The following HDGFL3 variants were observed in gnomAD, a reference collection of about 807,000 sequenced individuals.
HDGFL3 encodes the protein hepatoma-derived growth factor-related protein 3.
HDGFL3 carries 6 observed loss-of-function variants against 27.6 expected under a neutral mutation model. That is an observed-to-expected ratio of 0.22 (90% confidence interval 0.12 to 0.43). The LOEUF is 0.43. Ranked by LOEUF, HDGFL3 falls within the 20% of genes least tolerant of loss-of-function variation. The pLI is 1.00. For synonymous variants in HDGFL3, 88 were observed against 88.9 expected, an observed-to-expected ratio of 0.99 and a Z score of 0.05; for missense variants, 207 against 250.1, an observed-to-expected ratio of 0.83 and a Z score of 1.16.
chr15:83,123,734 T>C (rs999389363), downstream of HDGFL3, among the ~76,000 whole-genome samples: 1 of 152,158 alleles, frequency 6.6e-6, no homozygotes, highest in Non-Finnish European at 1.5e-5. Flanking sequence ...AAAAAGCAAA[T>C]AGTCAGTCCA....
At chr15:83,171,120 T>C (rs958324033) in intron 1 of HDGFL3, among the ~76,000 whole-genome samples, 2 of 152,212 alleles carry the variant, frequency 1.3e-5, no homozygotes, top group Admixed American at 1.3e-4. Flanking sequence ...TACATATGTA[T>C]ACATGTGCCA....
intron 2 of HDGFL3, among the ~76,000 whole-genome samples, chr15:83,160,901 G>C (rs968281736): frequency 6.6e-6 from 1 of 152,124 alleles, no homozygotes; most frequent in Non-Finnish European, 1.5e-5. Context: ...CTTTTAAGAA[G>C]CACCAACCTT....
chr15:83,157,476 C>G lies in HDGFL3; in HGVS notation c.398G>C (p.Gly133Ala), dbSNP rs1005142659. The change falls in exon 4 of 6, where the codon GGA becomes GCA. Residue 133 changes from glycine to alanine, a missense_variant. Physicochemically the swap from Gly to Ala is moderately conservative, Grantham distance 60. Coordinates refer to ENST00000299633, the MANE Select transcript of HDGFL3 (RefSeq NM_016073.4). ...EEEGDRVEED[G>A]KGKRKNEKAG... ...TTTTTCATTCTTTCTTTTGCCTTTT[C>G]CATCTTCTTCTACTCTATCACCTTC... The G allele has an allele frequency of 4.3e-6, 7 of 1,612,954 alleles. No individual in the cohort carries two copies. In the African/African-American group the frequency reaches 8.0e-5, roughly 18 times the overall value.
chr15:83,165,743 C>A (rs1332759732), intron 1 of HDGFL3, among the ~76,000 whole-genome samples: 2 of 138,192 alleles, frequency 1.4e-5, no homozygotes, highest in African/African-American at 2.7e-5. Context: ...TACAGTGAGC[C>A]GAGATTGTGC....
At chr15:83,195,628 C>T (rs919048902) in intron 1 of HDGFL3, among the ~76,000 whole-genome samples, 1 of 151,988 alleles carries the variant, frequency 6.6e-6, no homozygotes, top group African/African-American at 2.4e-5. Context: ...AATGGTAGAA[C>T]ATTAATGTTA....
In HDGFL3 at chr15:83,134,421, C is replaced by G. The variant is rs1320862083; in HGVS notation, c.*4849G>C. The G allele has an allele frequency of 6.6e-6, 1 of 152,166 alleles. No homozygotes were observed. The highest frequency in any genetic ancestry group is 1.9e-4 in the East Asian group (1 of 5,188). The allele number at this position is 152,166 out of a possible 1,614,324, so 9.4% of individuals were successfully genotyped here. A position where few individuals can be genotyped will look rare whatever the true frequency, so the allele number is the denominator to read the frequency against. ...ATTTTTTAGTAGAGATGGGGTTTCA[C>G]TATGTTGGCCAGGCTCGTCTTGAAC... On this transcript the variant is annotated 3_prime_UTR_variant, in exon 6 of 6. Coordinates refer to ENST00000299633, the MANE Select transcript of HDGFL3 (RefSeq NM_016073.4).
chr15:83,119,068 G>A (rs896810213), intron 3 of HDGFL3, among the ~76,000 whole-genome samples: 1 of 152,210 alleles, frequency 6.6e-6, no homozygotes, highest in African/African-American at 2.4e-5. Flanking sequence ...GGGGTTGGGT[G>A]TGAAGCTCCG....
chr15:83,115,721 G>T (rs747924805), exon 4 of HDGFL3: 4 of 754,000 alleles, frequency 5.3e-6, no homozygotes, highest in African/African-American at 5.2e-5. Context: ...AGTCTATCTC[G>T]ATAATTGTCC....
chr15:83,125,296 G>A (rs116869658), downstream of HDGFL3, among the ~76,000 whole-genome samples: 2,994 of 152,236 alleles, frequency 0.02, 40 homozygotes, highest in Admixed American at 0.03. Flanking sequence ...TGATGTGACT[G>A]AAATACATTA....
At chr15:83,200,388 G>A (rs2037630235) in intron 1 of HDGFL3, among the ~76,000 whole-genome samples, 1 of 151,130 alleles carries the variant, frequency 6.6e-6, no homozygotes, top group East Asian at 1.9e-4. Flanking sequence ...CAGAAATCAA[G>A]ATGGGTAACA....
chr15:83,197,527 A>G (rs2037586470), intron 1 of HDGFL3, among the ~76,000 whole-genome samples: 1 of 152,218 alleles, frequency 6.6e-6, no homozygotes, highest in Non-Finnish European at 1.5e-5. Flanking sequence ...CAAAACCATT[A>G]GAAACATGTT....
At chr15:83,144,828 T>C in intron 5 of HDGFL3, 2 of 311,340 alleles carry the variant, frequency 6.4e-6, no homozygotes, top group South Asian at 2.8e-5. Context: ...CTTGAAAAGA[T>C]GAGATAATAA....
intron 4 of HDGFL3, among the ~76,000 whole-genome samples, chr15:83,156,532 G>T (rs2151401531): frequency 6.6e-6 from 1 of 152,300 alleles, no homozygotes; most frequent in Admixed American, 6.5e-5. Flanking sequence ...CTTTGAAGCA[G>T]AATGACAAGT....
intron 1 of HDGFL3, among the ~76,000 whole-genome samples, chr15:83,181,712 G>C (rs953577923): frequency 2.6e-5 from 4 of 152,204 alleles, no homozygotes; most frequent in Non-Finnish European, 5.9e-5. Flanking sequence ...CTGACCCCAA[G>C]TGATCTGCCC....
intron 4 of HDGFL3, among the ~76,000 whole-genome samples, chr15:83,152,967 A>T (rs1369583261): frequency 1.3e-5 from 2 of 151,260 alleles, no homozygotes; most frequent in African/African-American, 4.8e-5. Context: ...TGATTTTCAA[A>T]TAACAGTCCT....
chr15:83,154,286 A>C (rs2037001209), intron 4 of HDGFL3, among the ~76,000 whole-genome samples: 2 of 151,588 alleles, frequency 1.3e-5, no homozygotes. Context: ...CAGTGAGCTG[A>C]GATTGCACCA....
intron 5 of HDGFL3, among the ~76,000 whole-genome samples, chr15:83,143,982 T>C (rs1596544831): frequency 6.6e-6 from 1 of 152,308 alleles, no homozygotes; most frequent in East Asian, 1.9e-4. Context: ...AGTAAATATA[T>C]TGGAATAATT....
At chr15:83,181,464 C>T (rs2037380400) in intron 1 of HDGFL3, among the ~76,000 whole-genome samples, 1 of 152,140 alleles carries the variant, frequency 6.6e-6, no homozygotes, top group African/African-American at 2.4e-5. Flanking sequence ...AGGGTTTATC[C>T]TTTTCAATTC....
chr15:83,180,276 T>C (rs2151415665), intron 1 of HDGFL3, among the ~76,000 whole-genome samples: 1 of 152,190 alleles, frequency 6.6e-6, no homozygotes, highest in South Asian at 2.1e-4. Flanking sequence ...AAAATTATTA[T>C]GAGGTTATAG....
Sources: allele counts gnomAD v4.1 joint callset (sites outside exome capture counted in the v4.1 genomes callset), GRCh38; gene constraint gnomAD v4.1.1; transcripts MANE v1.5; gene names NCBI Gene and HGNC (gene_info 2026-07-23, HGNC 2026-07-21).